Variants in HK1 observed in about 807,000 individuals in gnomAD.
HK1 encodes the protein hexokinase-1.
A neutral mutation model predicts 91.6 loss-of-function variants in HK1; 28 were observed. The ratio of observed to expected loss-of-function variants is 0.31; its 90% CI spans 0.23 to 0.42. The LOEUF is 0.42. Among genes scored for constraint, HK1 ranks in the 10% least tolerant of loss-of-function variants. The pLI, the probability that HK1 is intolerant of heterozygous loss-of-function variation, is 1.00. For synonymous variants in HK1, 430 were observed against 468.1 expected (o/e 0.92, Z 1.05); for missense variants, 770 against 1,219.8 (o/e 0.63, Z 5.49).
chr10:69,333,181 C>T, intron 1 of HK1, among the ~76,000 whole-genome samples: 1 of 152,238 alleles, frequency 6.6e-6, no homozygotes, highest in South Asian at 2.1e-4. Context: ...GAGGCAGTGC[C>T]CATGGCCGAG....
At chr10:69,392,429 TG>T in intron 15 of HK1, 121 bp downstream of exon 15, 3 of 1,021,110 alleles carry the variant, frequency 2.9e-6, no homozygotes, top group Non-Finnish European at 3.0e-6. Flanking sequence ...GTTTCAAGAC[TG>T]GACCCCCTGG....
At chr10:69,294,818 T>C (rs1171397268) in intron 3 of HK1, among the ~76,000 whole-genome samples, 1 of 151,998 alleles carries the variant, frequency 6.6e-6, no homozygotes, top group African/African-American at 2.4e-5. Context: ...GCAGAGATCA[T>C]GCCACTGCAC....
At chr10:69,296,082 G>T (rs985995595) in intron 4 of HK1, 4 of 251,442 alleles carry the variant, frequency 1.6e-5, no homozygotes, top group Non-Finnish European at 3.1e-5. Flanking sequence ...GCACCCATCT[G>T]CTCTGCACTT....
chr10:69,375,685 G>C (rs1433555336), intron 7 of HK1, among the ~76,000 whole-genome samples: 1 of 152,200 alleles, frequency 6.6e-6, no homozygotes, highest in Non-Finnish European at 1.5e-5. Flanking sequence ...TGCCAGCTGG[G>C]CTCCCGCAGA....
In HK1 at chr10:69,343,903, T is replaced by C. The variant is rs1286460325; in HGVS notation, c.140T>C (p.Met47Thr). ...ATCATGACTCGCTTCAGGAAGGAGATGAAGAATGGCCTCTCCCGGGATTTT... is the reference window on the plus strand; with the variant it reads ...ATCATGACTCGCTTCAGGAAGGAGACGAAGAATGGCCTCTCCCGGGATTTT... ...IDIMTRFRKEMKNGLSRDFNP... is the reference protein window; with the variant it reads ...IDIMTRFRKETKNGLSRDFNP... Residue 47 changes from methionine to threonine, a missense_variant, in exon 2 of 18, where the codon ATG becomes ACG. Met to Thr is a moderately conservative substitution (Grantham distance 81). This residue lies in a region of HK1 where 449 missense variants were observed against 665.1 expected (regional missense o/e 0.68). Transcript: ENST00000359426. 1.9e-6 allele frequency: 3 copies of C among 1,613,916 alleles called. No individual in the cohort carries two copies. The highest frequency in any genetic ancestry group is 2.5e-6 in the Non-Finnish European group (3 of 1,179,810).
At chr10:69,337,054 A>G (rs1317532892) in intron 1 of HK1, among the ~76,000 whole-genome samples, 2 of 152,202 alleles carry the variant, frequency 1.3e-5, no homozygotes, top group Non-Finnish European at 2.9e-5. Flanking sequence ...TTGTTTCTGC[A>G]CATTAAAATC....
At chr10:69,353,618 CAAAAAA>C (rs71471542) in intron 2 of HK1, among the ~76,000 whole-genome samples, 1 of 116,736 alleles carries the variant, frequency 8.6e-6, no homozygotes. Context: ...CAAACAAAAC[CAAAAAA>C]AAAAAAAAAA....
At chr10:69,392,551 T>TG (rs1256188436) in intron 15 of HK1, among the ~76,000 whole-genome samples, 2 of 152,224 alleles carry the variant, frequency 1.3e-5, no homozygotes, top group East Asian at 3.9e-4. Context: ...CCTGTGACTG[T>TG]TTTTTAGCCT....
chr10:69,319,168 T>A, intron 1 of HK1, 158 bp downstream of exon 1: 1 of 866,788 alleles, frequency 1.2e-6, no homozygotes, highest in Non-Finnish European at 1.8e-6. Flanking sequence ...CCTTCGATTC[T>A]ACCGGCATTG....
intron 5 of HK1, 39 bp downstream of exon 5, chr10:69,368,670 G>T: frequency 6.6e-7 from 1 of 1,512,464 alleles, no homozygotes; most frequent in East Asian, 2.3e-5. Context: ...CCATGCAGGG[G>T]TGTGGGGAGC....
At chr10:69,314,296 A>G (rs1011921296), upstream of HK1, among the ~76,000 whole-genome samples, 1 of 152,212 alleles carries the variant, frequency 6.6e-6, no homozygotes, top group Non-Finnish European at 1.5e-5. Flanking sequence ...ACTGTTAGAA[A>G]GTGAAACTTG....
chr10:69,369,093 T>TTGAG lies in HK1; in HGVS notation c.592-142_592-139dup, dbSNP rs1849859743. ...ATCACCATGCTCTGATCTAGTTAAT[T>TTGAG]TGAGTACCAGCTGTAATGAAACCAG... On this transcript the variant is annotated intron_variant, in intron 5 of 17. Coordinates refer to ENST00000359426, the MANE Select transcript of HK1 (RefSeq NM_000188.3). The surrounding 1 kb of genome is among the most constrained non-coding windows in gnomAD (Gnocchi z 4.4). 1.4e-6 allele frequency: 1 copy of TTGAG among 713,244 alleles called. No individual in the cohort carries two copies. The highest frequency in any genetic ancestry group is 2.6e-6 in the Non-Finnish European group (1 of 388,572). The allele number at this position is 713,244 out of a possible 1,614,324, so 44.2% of individuals were successfully genotyped here.
Position 69,380,144 on chromosome 10 carries a change from G to C in HK1, c.1265+49G>C. ...TGGCACTCTGTACCCATTGTGGGTA[G>C]GGACCTTCTCCAGAGATCAGACTTT... On this transcript the variant is annotated intron_variant, in intron 9 of 17. Transcript: ENST00000359426. The surrounding 1 kb of genome is among the most constrained non-coding windows in gnomAD (Gnocchi z 4.0). 1 of 1,435,096 alleles carries C rather than the reference G, an allele frequency of 7.0e-7. No homozygotes were observed. Among genetic ancestry groups the C allele is most frequent in the Non-Finnish European group, 9.8e-7 (1 of 1,017,356 alleles). The allele number at this position is 1,435,096 out of a possible 1,614,324, so 88.9% of individuals were successfully genotyped here. A position where few individuals can be genotyped will look rare whatever the true frequency, so the allele number is the denominator to read the frequency against.
intron 2 of HK1, among the ~76,000 whole-genome samples, chr10:69,358,799 G>T (rs1355039631): frequency 6.6e-6 from 1 of 150,596 alleles, no homozygotes; most frequent in Non-Finnish European, 1.5e-5. Context: ...GGAGGCCAAG[G>T]TTGCAGTGAG....
chr10:69,288,554 T>G, intron 2 of HK1: 1 of 689,022 alleles, frequency 1.5e-6, no homozygotes, highest in Non-Finnish European at 2.7e-6. Flanking sequence ...TCTAGAAATG[T>G]GTCTGCACTA....
At chr10:69,306,565 C>G (rs1469888462) in intron 5 of HK1, among the ~76,000 whole-genome samples, 2 of 152,088 alleles carry the variant, frequency 1.3e-5, no homozygotes, top group East Asian at 3.8e-4. Flanking sequence ...GAGGAACAGT[C>G]AGCTATGCAT....
At chr10:69,289,492 G>T (rs1845192412) in intron 3 of HK1, among the ~76,000 whole-genome samples, 1 of 76,538 alleles carries the variant, frequency 1.3e-5, no homozygotes, top group Non-Finnish European at 2.6e-5. Context: ...TTTTTTTTGA[G>T]ATAGAGTCTC....
At chr10:69,318,075 C>A, upstream of HK1, 1 of 985,448 alleles carries the variant, frequency 1.0e-6, no homozygotes, top group Non-Finnish European at 1.2e-6. Context: ...TGGCCCAAGT[C>A]CCGCCCAGAG....
intron 4 of HK1, among the ~76,000 whole-genome samples, chr10:69,300,240 A>G (rs1184763119): frequency 2.0e-5 from 3 of 151,826 alleles, no homozygotes; most frequent in Non-Finnish European, 1.5e-5. Flanking sequence ...CAGTATCACT[A>G]TTCTGACTTC....
Sources: gnomAD v4.1 joint callset for allele counts (sites outside exome capture counted in the v4.1 genomes callset) on GRCh38, gnomAD v4.1.1 for gene constraint, gnomAD v4.1.1 regional missense constraint, Gnocchi (gnomAD v3.1) non-coding constraint, MANE v1.5 for transcripts, NCBI Gene and HGNC (gene_info 2026-07-23, HGNC 2026-07-21) for gene names.